The following PCNX1 variants were observed in gnomAD, a reference collection of about 807,000 sequenced individuals.
PCNX1 encodes the protein pecanex 1, also known as pecanex-like protein 1.
Under a neutral mutation model 242.2 loss-of-function variants are expected in PCNX1, and 78 were observed. The observed-to-expected ratio is 0.32, with a 90% confidence interval of 0.27 to 0.39. The LOEUF (loss-of-function observed/expected upper bound fraction) is 0.39, where lower values mean the gene tolerates loss of function less well. Ranked by LOEUF, PCNX1 falls within the 10% of genes least tolerant of loss-of-function variation. The pLI, the probability that PCNX1 is intolerant of heterozygous loss-of-function variation, is 1.00. For missense variants in PCNX1, 2,581 were observed against 2,856.5 expected, an observed-to-expected ratio of 0.90 and a Z score of 2.20; for synonymous variants, 1,024 against 1,032.9, an observed-to-expected ratio of 0.99 and a Z score of 0.17.
At chr14:71,093,032 TCTC>T (rs1386034947) in intron 30 of PCNX1, 1 of 151,990 alleles carries the variant, frequency 6.6e-6, no homozygotes, top group Non-Finnish European at 1.5e-5. Context: ...CCAGATAACA[TCTC>T]TAATTCAGCC....
chr14:71,083,318 C>G (rs144253629), intron 28 of PCNX1, among the ~76,000 whole-genome samples: 5 of 152,168 alleles, frequency 3.3e-5, no homozygotes, highest in Middle Eastern at 3.4e-3. Flanking sequence ...GTGAATCTGA[C>G]GATTATGTGT....
intron 26 of PCNX1, among the ~76,000 whole-genome samples, chr14:71,059,669 A>G (rs1424763339): frequency 6.6e-6 from 1 of 152,176 alleles, no homozygotes; most frequent in East Asian, 1.9e-4. Flanking sequence ...CTGAGATTGT[A>G]GGTGCGAGCC....
chr14:71,059,904 TA>T lies in PCNX1; in HGVS notation c.4852+2183del, dbSNP rs527402200. 2.6e-3 allele frequency among the ~76,000 whole-genome samples: 396 copies of T among 152,324 alleles called. 5 individuals carry two copies. The highest frequency in any genetic ancestry group is 4.3e-3 in the Non-Finnish European group (295 of 68,024). ...CCTTCTTGCAGTTTCTTAGATGTGC[TA>T]AATTCTTTACTAAGGACTCCTTATT... On this transcript the variant is annotated intron_variant, in intron 26 of 35. Transcript: ENST00000304743.
At chr14:71,062,793 G>A (rs2061358939) in intron 26 of PCNX1, among the ~76,000 whole-genome samples, 2 of 152,266 alleles carry the variant, frequency 1.3e-5, no homozygotes, top group South Asian at 2.1e-4. Flanking sequence ...CTCACCCAGA[G>A]CAACTTCCAG....
chr14:70,942,045 T>C (rs1204723237), intron 1 of PCNX1, among the ~76,000 whole-genome samples: 1 of 152,160 alleles, frequency 6.6e-6, no homozygotes, highest in Non-Finnish European at 1.5e-5. Context: ...TTCCCTTGGC[T>C]AGGAAAGGGA....
At chr14:70,974,270 G>C (rs1161346294) in intron 5 of PCNX1, among the ~76,000 whole-genome samples, 4 of 143,870 alleles carry the variant, frequency 2.8e-5, no homozygotes, top group African/African-American at 1.0e-4. Flanking sequence ...TTGAGAGGGA[G>C]TCTCGCTCTG....
chr14:70,984,378 G>A (rs559702091), intron 6 of PCNX1, among the ~76,000 whole-genome samples: 1 of 151,164 alleles, frequency 6.6e-6, no homozygotes, highest in Non-Finnish European at 1.5e-5. Flanking sequence ...AATTAATCAG[G>A]TATATGATTG....
Position 71,112,347 on chromosome 14 carries a change from C to T in PCNX1, c.*2412C>T, listed in dbSNP as rs776041511. On this transcript the variant is annotated 3_prime_UTR_variant, in exon 36 of 36. Coordinates refer to ENST00000304743, the MANE Select transcript of PCNX1 (RefSeq NM_014982.3). Reference sequence around the variant, plus strand: ...GGTTTTGATTTTGGGTAGCAATTGACATATATTTTTCTCAAAACAAGTTGA... The same window carrying T: ...GGTTTTGATTTTGGGTAGCAATTGATATATATTTTTCTCAAAACAAGTTGA... 4.3e-4 allele frequency: 66 copies of T among 152,098 alleles called. 1 individual carries two copies. Among genetic ancestry groups the T allele is most frequent in the Non-Finnish European group, 4.6e-4 (31 of 67,896 alleles). 9.4% of individuals were successfully genotyped at this position (152,098 alleles called of 1,614,324 possible).
chr14:70,948,485 A>G (rs2057551385), intron 2 of PCNX1, among the ~76,000 whole-genome samples: 1 of 152,176 alleles, frequency 6.6e-6, no homozygotes, highest in African/African-American at 2.4e-5. Context: ...GACCAAAACC[A>G]GCAGCCTAAA....
intron 3 of PCNX1, among the ~76,000 whole-genome samples, chr14:70,963,405 A>G (rs1216760958): frequency 1.3e-5 from 2 of 152,134 alleles, no homozygotes; most frequent in African/African-American, 4.8e-5. Flanking sequence ...AATTATCCTT[A>G]TGTGACTAGG....
At chr14:71,004,022 T>C (rs978391149) in intron 8 of PCNX1, among the ~76,000 whole-genome samples, 1 of 152,248 alleles carries the variant, frequency 6.6e-6, no homozygotes, top group African/African-American at 2.4e-5. Context: ...CCTAAGATTC[T>C]TGGTCTAGGA....
chr14:71,110,103 C>T lies in PCNX1; in HGVS notation c.*168C>T. The T allele has an allele frequency of 1.4e-6, 1 of 700,976 alleles. No homozygotes were observed. Among genetic ancestry groups the T allele is most frequent in the Non-Finnish European group, 2.6e-6 (1 of 386,896 alleles). The allele number at this position is 700,976 out of a possible 1,614,324, so 43.4% of individuals were successfully genotyped here. On this transcript the variant is annotated 3_prime_UTR_variant, in exon 36 of 36. Coordinates refer to ENST00000304743, the MANE Select transcript of PCNX1 (RefSeq NM_014982.3). ...ACCTCTCCTTTGCCCTTCACCCTGA[C>T]TCCTGTCACTGTCTCCATCCCCAAA... is the stretch of plus-strand genomic sequence containing the variant.
At chr14:70,994,543 A>C (rs1464969527) in intron 7 of PCNX1, among the ~76,000 whole-genome samples, 2 of 150,988 alleles carry the variant, frequency 1.3e-5, no homozygotes, top group African/African-American at 4.9e-5. Flanking sequence ...GATTAGAGAG[A>C]TGTTGATACT....
At chr14:70,943,626 G>A (rs889965130) in intron 1 of PCNX1, among the ~76,000 whole-genome samples, 2 of 152,206 alleles carry the variant, frequency 1.3e-5, no homozygotes, top group African/African-American at 4.8e-5. Context: ...TTCTGGGGAG[G>A]AATTCAAGAA....
intron 1 of PCNX1, among the ~76,000 whole-genome samples, chr14:70,921,877 C>T (rs1018163295): frequency 6.6e-6 from 1 of 152,120 alleles, no homozygotes; most frequent in Admixed American, 6.5e-5. Flanking sequence ...ACACATCACC[C>T]CCTAAATGCT....
chr14:71,045,234 C>T lies in PCNX1; in HGVS notation c.3969C>T (p.Phe1323=). Residue 1323 remains phenylalanine, a synonymous_variant, in exon 20 of 36, where the codon TTC becomes TTT. Coordinates refer to ENST00000304743, the MANE Select transcript of PCNX1 (RefSeq NM_014982.3). ...QVRKQLPWHC[F]SHPLLKTLEY... is the part of the protein sequence containing the mutation. ...GAAAACAGCTACCATGGCACTGTTTCTCTCATCCTCTGCTAAAGACACTAG... is the reference window on the plus strand; with the variant it reads ...GAAAACAGCTACCATGGCACTGTTTTTCTCATCCTCTGCTAAAGACACTAG... The T allele has an allele frequency of 6.2e-7, 1 of 1,613,054 alleles. No individual in the cohort carries two copies. Among genetic ancestry groups the T allele is most frequent in the Non-Finnish European group, 8.5e-7 (1 of 1,179,158 alleles).
chr14:70,922,538 C>T (rs544918388), intron 1 of PCNX1, among the ~76,000 whole-genome samples: 3 of 152,064 alleles, frequency 2.0e-5, no homozygotes, highest in Admixed American at 6.5e-5. Flanking sequence ...ATCCACGCTA[C>T]CAGTTCACAT....
At chr14:70,994,398 TA>T in intron 7 of PCNX1, among the ~76,000 whole-genome samples, 1 of 26,020 alleles carries the variant, frequency 3.8e-5, no homozygotes, top group Admixed American at 4.5e-4. Context: ...AGGCTTAAGA[TA>T]TATATATATA....
At chr14:70,978,900 C>CT (rs35835789) in intron 6 of PCNX1, among the ~76,000 whole-genome samples, 10,499 of 152,138 alleles carry the variant, frequency 0.069, 471 homozygotes, top group East Asian at 0.27. Flanking sequence ...ACACCAGTTT[C>CT]TAAGCCAGTT....
Sources: allele counts gnomAD v4.1 joint callset (sites outside exome capture counted in the v4.1 genomes callset), GRCh38; gene constraint gnomAD v4.1.1; transcripts MANE v1.5; gene names NCBI Gene and HGNC (gene_info 2026-07-23, HGNC 2026-07-21).